Variants in ANKAR observed in about 807,000 individuals in gnomAD.
ANKAR encodes ankyrin and armadillo repeat-containing protein.
ANKAR carries 136 observed loss-of-function variants against 146.2 expected under a neutral mutation model. The observed-to-expected ratio is 0.93, with a 90% CI of 0.81 to 1.07. The LOEUF is 1.07. Ranked by LOEUF, ANKAR falls within the 50% of genes least tolerant of loss-of-function variation. The probability of loss-of-function intolerance (pLI) is 0.00; values close to 1 mark genes in which losing one functional copy is unlikely to be tolerated. For synonymous variants in ANKAR, 500 were observed against 575.8 expected, an observed-to-expected ratio of 0.87 and a Z score of 1.88; for missense variants, 1,567 against 1,679.9, an observed-to-expected ratio of 0.93 and a Z score of 1.18.
At chr2:189,705,353 A>C (rs1161066863) in intron 8 of ANKAR, 129 bp downstream of exon 8, 2 of 913,426 alleles carry the variant, frequency 2.2e-6, no homozygotes, top group African/African-American at 3.4e-5. Context: ...CTGCCACTAA[A>C]AGGTGATAGG....
At chr2:189,688,480 TC>T (rs1425178166) in intron 2 of ANKAR, among the ~76,000 whole-genome samples, 3 of 152,228 alleles carry the variant, frequency 2.0e-5, no homozygotes, top group Non-Finnish European at 4.4e-5. Flanking sequence ...GATTATTTTT[TC>T]TATTTCTATG....
intron 2 of ANKAR, among the ~76,000 whole-genome samples, chr2:189,679,694 T>C (rs2034336076): frequency 6.6e-6 from 1 of 152,206 alleles, no homozygotes; most frequent in South Asian, 2.1e-4. Flanking sequence ...TTTTGTCAAA[T>C]GCTTTTTCTG....
At position 189,689,735 on chromosome 2, in the gene ANKAR, T is replaced by G. The variant is rs2036124727; in HGVS notation, c.810T>G (p.Thr270=). The part of the protein sequence containing the change: ...VFIFETGYWL[T]NAIKYNQDYL... ...TATTTGAAACAGGCTATTGGCTTAC[T>G]AATGCTATAAAATATAATCAGGATT... Residue 270 remains threonine, a synonymous_variant, in exon 3 of 23, where the codon ACT becomes ACG. Coordinates refer to ENST00000684021, the MANE Select transcript of ANKAR (RefSeq NM_001378068.1). The G allele has an allele frequency of 6.8e-6, 11 of 1,613,066 alleles. No individual in the cohort carries two copies. Among genetic ancestry groups the G allele is most frequent in the Non-Finnish European group, 9.3e-6 (11 of 1,179,320 alleles).
In ANKAR at chr2:189,680,994, C is replaced by T. The variant is rs770065902; in HGVS notation, c.601+3903C>T. On this transcript the variant is annotated intron_variant, in intron 2 of 22. Transcript: ENST00000684021. ...AAGAGTGCTTGGTAGTTTCCAACAG[C>T]GGTAGAGCCTTGACATTCTGACGAA... Among the ~76,000 whole-genome samples, 6 of 75,078 alleles carry T rather than the reference C, an allele frequency of 8.0e-5. 1 individual carries two copies. In the South Asian group the frequency reaches 2.7e-3, roughly 33 times the overall value. The allele number at this position is 75,078 out of a possible 152,430, so 49.3% of individuals were successfully genotyped here.
chr2:189,717,990 G>C (rs1209677570), intron 10 of ANKAR, among the ~76,000 whole-genome samples: 1 of 152,130 alleles, frequency 6.6e-6, no homozygotes, highest in Non-Finnish European at 1.5e-5. Flanking sequence ...TAGTGTACAT[G>C]ACAAGTTAAT....
At chr2:189,676,329 A>C (rs1370371331) in intron 1 of ANKAR, 127 bp from the exon 2 acceptor site, 2 of 788,156 alleles carry the variant, frequency 2.5e-6, no homozygotes, top group East Asian at 5.6e-5. Context: ...TAATTTGAAA[A>C]CTATAATGGT....
downstream of ANKAR, chr2:189,762,983 C>T: frequency 3.0e-6 from 3 of 985,304 alleles, no homozygotes; most frequent in Non-Finnish European, 3.6e-6. Context: ...CCAGCGGAGG[C>T]CGAATACAGG....
rs531402192 is a variant in ANKAR at position 189,755,670 on chromosome 2, G to A, written c.*585-5428G>A. The A allele has an allele frequency of 1.2e-3, 1,428 of 1,187,042 alleles. 10 individuals are homozygous for A. The highest frequency in any genetic ancestry group is 8.4e-3 in the Middle Eastern group (41 of 4,886). The allele number at this position is 1,187,042 out of a possible 1,614,324, so 73.5% of individuals were successfully genotyped here. A position where few individuals can be genotyped will look rare whatever the true frequency, so the allele number is the denominator to read the frequency against. ...AGTTAATCATTATATAGCTGAGTAA[G>A]TCAAGTATTTTCTAATTGTGTGCCT... On this transcript the variant is annotated intron_variant and NMD_transcript_variant, in intron 18 of 18. Coordinates refer to the ANKAR transcript ENST00000441800.
At chr2:189,698,505 T>C (rs544668586) in intron 7 of ANKAR, among the ~76,000 whole-genome samples, 2 of 152,244 alleles carry the variant, frequency 1.3e-5, no homozygotes, top group East Asian at 3.9e-4. Context: ...AACCTCAATG[T>C]TGGATATGGA....
chr2:189,709,373 T>G (rs1422829413), intron 9 of ANKAR, among the ~76,000 whole-genome samples: 1 of 152,200 alleles, frequency 6.6e-6, no homozygotes, highest in Non-Finnish European at 1.5e-5. Context: ...TAAGGAGATT[T>G]ATAAATCATA....
At position 189,746,418 on chromosome 2, in the gene ANKAR, C is replaced by T. The variant is rs2044175549; in HGVS notation, c.4096C>T (p.Pro1366Ser). ...HRRKLKPKIQ[P>S]KDSLTLLPPV... The stretch of plus-strand genomic sequence containing the variant: ...AAGAAAATTAAAACCTAAAATTCAA[C>T]CAAAAGATTCTTTGACTTTATTACC... Residue 1366 changes from proline to serine, a missense_variant, in exon 23 of 23, where the codon CCA becomes TCA. By Grantham distance (74) the Pro-to-Ser change is moderately conservative. Transcript: ENST00000684021. 6.2e-7 allele frequency: 1 copy of T among 1,607,008 alleles called. No individual in the cohort carries two copies. Among genetic ancestry groups the T allele is most frequent in the Non-Finnish European group, 8.5e-7 (1 of 1,178,138 alleles).
At chr2:189,742,904 TGACACACACACACACACA>T (rs1228994380) in intron 20 of ANKAR, among the ~76,000 whole-genome samples, 16 of 10,540 alleles carry the variant, frequency 1.5e-3, no homozygotes, top group Non-Finnish European at 2.3e-3. Flanking sequence ...TAGAATTACC[TGACACACACACACACACA>T]CACACACACA....
At chr2:189,718,383 CACACA>C (rs1393048683) in intron 10 of ANKAR, among the ~76,000 whole-genome samples, 2 of 151,994 alleles carry the variant, frequency 1.3e-5, no homozygotes, top group Non-Finnish European at 2.9e-5. Context: ...CACACACACA[CACACA>C]CACACAAAGA....
In ANKAR at chr2:189,692,540, C is replaced by A; in HGVS notation, c.1203+122C>A. 4.8e-6 allele frequency: 4 copies of A among 830,848 alleles called. No homozygotes were observed. The South Asian group carries it at 8.4e-5, about 17-fold the overall frequency. 51.5% of individuals were successfully genotyped at this position (830,848 alleles called of 1,614,324 possible). A position where few individuals can be genotyped will look rare whatever the true frequency, so the allele number is the denominator to read the frequency against. On this transcript the variant is annotated intron_variant, in intron 4 of 22. Coordinates refer to ENST00000684021, the MANE Select transcript of ANKAR (RefSeq NM_001378068.1). ...GCTCTCCAAATGATTATTCTCACAA[C>A]TCAATAATTTTTTCATACATTATTT...
At position 189,755,630 on chromosome 2, in the gene ANKAR, A is replaced by C. The variant is rs191653364; in HGVS notation, c.*585-5468A>C. On this transcript the variant is annotated intron_variant and NMD_transcript_variant, in intron 18 of 18. Transcript: ENST00000441800. ...AATGAAGAAAAATGATATTACAGCT[A>C]AAAGCATGTCTTCAAGTTAATCATT... is the stretch of plus-strand genomic sequence containing the variant. The C allele has an allele frequency of 1.9e-4, 282 of 1,484,444 alleles. 1 individual carries two copies. The African/African-American group carries it at 3.5e-3, about 18-fold the overall frequency. The allele number at this position is 1,484,444 out of a possible 1,614,324, so 92.0% of individuals were successfully genotyped here.
Position 189,730,589 on chromosome 2 carries a change from TC to T in ANKAR, c.3290del (p.Pro1097LeufsTer16). 1.9e-6 allele frequency: 3 copies of T among 1,576,064 alleles called. No individual in the cohort carries two copies. The highest frequency in any genetic ancestry group is 2.6e-6 in the Non-Finnish European group (3 of 1,151,440). On this transcript the variant is annotated frameshift_variant, in exon 16 of 23. Coordinates refer to ENST00000684021, the MANE Select transcript of ANKAR (RefSeq NM_001378068.1). LOFTEE classifies it high-confidence loss of function. ...LIQLLRNHPS[P>X]NIKVEVAFSL... ...TCCAACTACTAAGAAATCACCCTTC[TC>T]CTAACATTAAGGTATAAAGGTTTAC...
chr2:189,730,678 C>T, intron 16 of ANKAR, 77 bp downstream of exon 16: 3 of 668,678 alleles, frequency 4.5e-6, no homozygotes, highest in Middle Eastern at 3.3e-4. Flanking sequence ...TATCTTTATT[C>T]AAGTTCATAA....
Position 189,741,579 on chromosome 2 carries a change from C to G in ANKAR, c.3810+128C>G, listed in dbSNP as rs546291046. 1,054 of 522,088 alleles carry G rather than the reference C, an allele frequency of 2.0e-3. 5 individuals are homozygous for G. The highest frequency in any genetic ancestry group is 5.3e-3 in the Middle Eastern group (10 of 1,890). The allele number at this position is 522,088 out of a possible 1,614,324, so 32.3% of individuals were successfully genotyped here. ...TATAATATAATTCTTATTACTAACT[C>G]AAAATTACATGACTGTGTTATATAT... On this transcript the variant is annotated intron_variant, in intron 20 of 22. Transcript: ENST00000684021.
rs147236456 is a variant in ANKAR, at chr2:189,720,689, G to A, written c.2537G>A (p.Cys846Tyr). The A allele has an allele frequency of 1.3e-5, 19 of 1,502,794 alleles. 2 individuals are homozygous for A. The East Asian group carries it at 2.8e-4, about 22-fold the overall frequency. The allele number at this position is 1,502,794 out of a possible 1,614,324, so 93.1% of individuals were successfully genotyped here. A position where few individuals can be genotyped will look rare whatever the true frequency, so the allele number is the denominator to read the frequency against. Residue 846 changes from cysteine (C) to tyrosine (Y), a missense_variant, in exon 12 of 23, where the codon TGT becomes TAT. Cys to Tyr is a radical substitution (Grantham distance 194). Coordinates refer to ENST00000684021, the MANE Select transcript of ANKAR (RefSeq NM_001378068.1). ...AATGTGCTAGTAAATGTAATGAACT[G>A]TATACGGGTATTGTGTATAGGAAAT... ...IENVLVNVMNCIRVLCIGNEN... is the reference protein window; with the variant it reads ...IENVLVNVMNYIRVLCIGNEN...
Sources: gnomAD v4.1 joint callset for allele counts (sites outside exome capture counted in the v4.1 genomes callset) on GRCh38, gnomAD v4.1.1 for gene constraint, MANE v1.5 for transcripts, NCBI Gene and HGNC (gene_info 2026-07-23, HGNC 2026-07-21) for gene names.